DDX10: variants seen among roughly 807,000 people sequenced by gnomAD.
The protein encoded by DDX10 is probable ATP-dependent RNA helicase DDX10.
A neutral mutation model predicts 104.3 loss-of-function variants in DDX10; 74 were observed. The observed-to-expected ratio is 0.71, with a 90% CI of 0.59 to 0.86. The LOEUF is 0.86. Among genes scored for constraint, DDX10 ranks in the 40% least tolerant of loss-of-function variants. The pLI, the probability that DDX10 is intolerant of heterozygous loss-of-function variation, is 0.00. For synonymous variants in DDX10, 351 were observed against 353.4 expected (o/e 0.99, Z 0.08); for missense variants, 952 against 1,040.0 (o/e 0.92, Z 1.16).
intron 16 of DDX10, among the ~76,000 whole-genome samples, chr11:108,905,316 G>GGA: frequency 6.7e-6 from 1 of 149,488 alleles, no homozygotes; most frequent in Non-Finnish European, 1.5e-5. Flanking sequence ...TGTTTAAGGG[G>GGA]GGGGGGGGTT....
At chr11:108,672,915 C>A (rs1232790286) in intron 1 of DDX10, among the ~76,000 whole-genome samples, 2 of 152,220 alleles carry the variant, frequency 1.3e-5, no homozygotes, top group Admixed American at 1.3e-4. Flanking sequence ...TGAAATAATA[C>A]TCCTCCTTCA....
chr11:108,858,043 T>A (rs1284435032), intron 16 of DDX10, among the ~76,000 whole-genome samples: 6 of 152,228 alleles, frequency 3.9e-5, no homozygotes, highest in African/African-American at 1.4e-4. Context: ...TAATTTTTTC[T>A]TACAAATGAA....
intron 13 of DDX10, among the ~76,000 whole-genome samples, chr11:108,728,881 A>C (rs2094308552): frequency 6.6e-6 from 1 of 152,164 alleles, no homozygotes; most frequent in Non-Finnish European, 1.5e-5. Flanking sequence ...ATGTCATTAA[A>C]GTGTCTTCGC....
At chr11:108,711,308 T>G (rs1344928990) in intron 10 of DDX10, among the ~76,000 whole-genome samples, 1 of 152,232 alleles carries the variant, frequency 6.6e-6, no homozygotes, top group African/African-American at 2.4e-5. Context: ...TCCATGTATT[T>G]TAGAATTTTC....
At chr11:108,819,028 A>G (rs1179769274) in intron 13 of DDX10, among the ~76,000 whole-genome samples, 2 of 152,158 alleles carry the variant, frequency 1.3e-5, no homozygotes, top group Non-Finnish European at 2.9e-5. Flanking sequence ...GTATGGTGCA[A>G]TGTTTTTGCA....
At chr11:108,891,277 A>G (rs1445271562) in intron 16 of DDX10, among the ~76,000 whole-genome samples, 1 of 152,136 alleles carries the variant, frequency 6.6e-6, no homozygotes, top group African/African-American at 2.4e-5. Flanking sequence ...ATCATCCTGC[A>G]GTGGTTCCTG....
chr11:108,723,584 A>C, intron 13 of DDX10, 122 bp downstream of exon 13: 1 of 932,342 alleles, frequency 1.1e-6, no homozygotes. Context: ...TTTGCAATGA[A>C]CTCTTCCTCC....
At chr11:108,902,018 G>T (rs61912810) in intron 16 of DDX10, among the ~76,000 whole-genome samples, 68,709 of 152,020 alleles carry the variant, frequency 0.45, 18,939 homozygotes, top group Non-Finnish European at 0.61. Context: ...ATTGTTCTTT[G>T]TGTAGAAAGA....
At chr11:108,670,542 C>T (rs865978726) in intron 1 of DDX10, among the ~76,000 whole-genome samples, 4 of 152,224 alleles carry the variant, frequency 2.6e-5, no homozygotes, top group Admixed American at 6.5e-5. Flanking sequence ...CATGGCTTTT[C>T]CATGGTGGGT....
At chr11:108,720,004 G>A in intron 12 of DDX10, 119 bp downstream of exon 12, 1 of 683,154 alleles carries the variant, frequency 1.5e-6, no homozygotes, top group Non-Finnish European at 2.6e-6. Context: ...CTGTGCTCCA[G>A]CAGTCCACCC....
intron 13 of DDX10, among the ~76,000 whole-genome samples, chr11:108,755,154 A>G (rs966582234): frequency 2.0e-5 from 3 of 151,982 alleles, no homozygotes; most frequent in South Asian, 2.1e-4. Context: ...GGACTTAGAA[A>G]AACCTAGAGG....
intron 13 of DDX10, among the ~76,000 whole-genome samples, chr11:108,811,693 C>T (rs1000157960): frequency 1.3e-5 from 2 of 152,036 alleles, no homozygotes; most frequent in African/African-American, 4.8e-5. Context: ...TGCCTTTTCA[C>T]GGAGTAGGAA....
chr11:108,745,591 T>C (rs976279790), intron 13 of DDX10, among the ~76,000 whole-genome samples: 3 of 152,166 alleles, frequency 2.0e-5, no homozygotes, highest in African/African-American at 7.2e-5. Context: ...CTGTGACCAC[T>C]TACTTAGTGC....
At chr11:108,724,260 G>A (rs1229306095) in intron 13 of DDX10, among the ~76,000 whole-genome samples, 1 of 151,784 alleles carries the variant, frequency 6.6e-6, no homozygotes, top group Non-Finnish European at 1.5e-5. Context: ...ACTTAGAAGA[G>A]TGTTTCTTTA....
intron 16 of DDX10, among the ~76,000 whole-genome samples, chr11:108,888,995 T>C (rs1009264801): frequency 5.9e-5 from 9 of 152,176 alleles, no homozygotes; most frequent in Non-Finnish European, 1.0e-4. Context: ...TTTCCTTTTT[T>C]ATAAAATAGA....
intron 13 of DDX10, among the ~76,000 whole-genome samples, chr11:108,813,423 C>G (rs1280714265): frequency 2.0e-5 from 3 of 152,112 alleles, no homozygotes; most frequent in Non-Finnish European, 2.9e-5. Flanking sequence ...GGCTGATGAT[C>G]TTAATTTTCT....
At chr11:108,752,127 G>A (rs1283445820) in intron 13 of DDX10, among the ~76,000 whole-genome samples, 1 of 152,148 alleles carries the variant, frequency 6.6e-6, no homozygotes, top group Admixed American at 6.6e-5. Context: ...AATGGGGCAT[G>A]TGGTAAGAAC....
intron 13 of DDX10, among the ~76,000 whole-genome samples, chr11:108,820,095 T>G (rs2134576630): frequency 6.6e-6 from 1 of 152,362 alleles, no homozygotes; most frequent in Middle Eastern, 3.4e-3. Context: ...TCTGTCCTTT[T>G]TAGCTGAATA....
At chr11:108,906,659 ATTTTTC>A (rs995000746) in intron 16 of DDX10, among the ~76,000 whole-genome samples, 2 of 152,148 alleles carry the variant, frequency 1.3e-5, no homozygotes, top group African/African-American at 4.8e-5. Flanking sequence ...TGGACTTGGA[ATTTTTC>A]TTTTACTTAA....
Sources: allele counts gnomAD v4.1 joint callset (sites outside exome capture counted in the v4.1 genomes callset), GRCh38; gene constraint gnomAD v4.1.1; transcripts MANE v1.5; gene names NCBI Gene and HGNC (gene_info 2026-07-23, HGNC 2026-07-21).